The following THSD7A variants were observed in gnomAD, a reference collection of about 807,000 sequenced individuals.
THSD7A encodes the protein thrombospondin type 1 domain containing 7A, also known as thrombospondin type-1 domain-containing protein 7A.
Under a neutral mutation model 231.3 loss-of-function variants are expected in THSD7A, and 96 were observed. That is an observed-to-expected ratio of 0.41 (90% confidence interval 0.35 to 0.49). THSD7A has a LOEUF of 0.49. THSD7A is among the 20% of genes least tolerant of loss of function. The pLI is 0.05. For missense variants in THSD7A, 2,290 were observed against 2,070.2 expected, an observed-to-expected ratio of 1.11 and a Z score of -2.06; for synonymous variants, 940 against 743.3, an observed-to-expected ratio of 1.26 and a Z score of -4.30.
intron 6 of THSD7A, among the ~76,000 whole-genome samples, chr7:11,491,050 T>C (rs760067764): frequency 6.6e-6 from 1 of 152,106 alleles, no homozygotes; most frequent in Non-Finnish European, 1.5e-5. Context: ...CCAATTCACT[T>C]GATTTGATGT....
intron 8 of THSD7A, among the ~76,000 whole-genome samples, chr7:11,470,199 A>G (rs1041052025): frequency 1.1e-4 from 16 of 152,150 alleles, no homozygotes; most frequent in Admixed American, 7.9e-4. Flanking sequence ...AAAGCCTCTC[A>G]AGGAAAGATG....
At chr7:11,613,026 T>C (rs1468810219) in intron 2 of THSD7A, among the ~76,000 whole-genome samples, 21 of 152,194 alleles carry the variant, frequency 1.4e-4, no homozygotes, top group Admixed American at 1.4e-3. Context: ...GACATCTATA[T>C]AGATGTCATT....
At chr7:11,525,769 A>C (rs1788447420) in intron 6 of THSD7A, among the ~76,000 whole-genome samples, 1 of 152,158 alleles carries the variant, frequency 6.6e-6, no homozygotes, top group African/African-American at 2.4e-5. Flanking sequence ...TATTTGCTAG[A>C]TTATACTCAT....
chr7:11,539,202 A>G (rs539815314), intron 6 of THSD7A, among the ~76,000 whole-genome samples: 246 of 152,262 alleles, frequency 1.6e-3, no homozygotes, highest in African/African-American at 5.4e-3. Context: ...TGGGAGCAGT[A>G]GTTACAAGTC....
chr7:11,426,531 C>T, intron 15 of THSD7A, 135 bp downstream of exon 15: 1 of 972,162 alleles, frequency 1.0e-6, no homozygotes, highest in Non-Finnish European at 1.5e-6. Flanking sequence ...GAAAAAAATT[C>T]TTTAATGGAA....
At chr7:11,530,418 AAAGG>A in intron 6 of THSD7A, among the ~76,000 whole-genome samples, 1 of 152,266 alleles carries the variant, frequency 6.6e-6, no homozygotes, top group African/African-American at 2.4e-5. Context: ...GGGATAAAAG[AAAGG>A]AATTAGTTAT....
At chr7:11,525,927 A>G (rs1020865616) in intron 6 of THSD7A, among the ~76,000 whole-genome samples, 1 of 152,170 alleles carries the variant, frequency 6.6e-6, no homozygotes, top group African/African-American at 2.4e-5. Flanking sequence ...CTGGGTGAAA[A>G]CAGATTTCAC....
intron 19 of THSD7A, among the ~76,000 whole-genome samples, chr7:11,408,389 T>TC (rs1456564486): frequency 6.6e-6 from 1 of 151,870 alleles, no homozygotes; most frequent in Non-Finnish European, 1.5e-5. Flanking sequence ...TCCCAGCTAC[T>TC]TGGGAGGCTG....
intron 23 of THSD7A, among the ~76,000 whole-genome samples, chr7:11,394,544 C>T (rs1783107317): frequency 6.6e-6 from 1 of 152,122 alleles, no homozygotes; most frequent in African/African-American, 2.4e-5. Context: ...GGAGTAGGTA[C>T]AAGGGAGTGT....
chr7:11,450,743 T>C (rs1055789613), intron 11 of THSD7A, among the ~76,000 whole-genome samples: 68 of 152,024 alleles, frequency 4.5e-4, no homozygotes, highest in South Asian at 6.2e-4. Context: ...ACCCAGAAAA[T>C]TTGTATCTGT....
intron 23 of THSD7A, among the ~76,000 whole-genome samples, chr7:11,391,990 A>G (rs1783001214): frequency 6.6e-6 from 1 of 151,964 alleles, no homozygotes; most frequent in South Asian, 2.1e-4. Flanking sequence ...GAAATCACCC[A>G]TCTTCTGCAT....
At position 11,777,163 on chromosome 7, in the gene THSD7A, C is replaced by A. The variant is rs527609857; in HGVS notation, c.190+54594G>T. Among the ~76,000 whole-genome samples the A allele has an allele frequency of 1.1e-4, 16 of 152,094 alleles. 1 individual carries two copies. The South Asian group carries it at 3.3e-3, about 32-fold the overall frequency. ...TTGCTCAGCTCAATTTCTAAAAAGC[C>A]CATTTCCTTTACAGGATGTGAACTC... is the stretch of plus-strand genomic sequence containing the variant. On this transcript the variant is annotated intron_variant, in intron 1 of 27. Coordinates refer to ENST00000423059, the MANE Select transcript of THSD7A (RefSeq NM_015204.3).
At chr7:11,585,130 T>C (rs1791343935) in intron 4 of THSD7A, among the ~76,000 whole-genome samples, 1 of 152,224 alleles carries the variant, frequency 6.6e-6, no homozygotes, top group Non-Finnish European at 1.5e-5. Flanking sequence ...GAATACTTCC[T>C]GAAGTCTCAT....
chr7:11,432,390 G>A (rs954676133), intron 13 of THSD7A, among the ~76,000 whole-genome samples: 10 of 152,040 alleles, frequency 6.6e-5, no homozygotes, highest in African/African-American at 2.4e-4. Flanking sequence ...ATGCAAAAGT[G>A]CATTTTCCAT....
chr7:11,656,021 G>A (rs2128370876), intron 1 of THSD7A, among the ~76,000 whole-genome samples: 1 of 151,976 alleles, frequency 6.6e-6, no homozygotes, highest in South Asian at 2.1e-4. Context: ...TTCTTAATCA[G>A]CAGCCTTCAC....
chr7:11,442,518 T>C (rs1404554665), intron 13 of THSD7A, among the ~76,000 whole-genome samples: 1 of 151,992 alleles, frequency 6.6e-6, no homozygotes, highest in Non-Finnish European at 1.5e-5. Flanking sequence ...GATACTTTTT[T>C]CTCCAGAGCC....
chr7:11,601,873 A>G (rs1780565327), intron 2 of THSD7A, among the ~76,000 whole-genome samples: 1 of 152,210 alleles, frequency 6.6e-6, no homozygotes, highest in Non-Finnish European at 1.5e-5. Flanking sequence ...GCAGCCTTCA[A>G]GAGGTTAGAA....
At chr7:11,568,237 C>G (rs1314814626) in intron 4 of THSD7A, among the ~76,000 whole-genome samples, 1 of 152,140 alleles carries the variant, frequency 6.6e-6, no homozygotes, top group Non-Finnish European at 1.5e-5. Flanking sequence ...TGGACAGAAA[C>G]AATGAGAGAA....
chr7:11,539,135 T>A (rs1252596553), intron 6 of THSD7A, among the ~76,000 whole-genome samples: 2 of 152,102 alleles, frequency 1.3e-5, no homozygotes, highest in Non-Finnish European at 2.9e-5. Flanking sequence ...CCAATTTAAT[T>A]ACAAAACAAC....
Sources: allele counts gnomAD v4.1 joint callset (sites outside exome capture counted in the v4.1 genomes callset), GRCh38; gene constraint gnomAD v4.1.1; transcripts MANE v1.5; gene names NCBI Gene and HGNC (gene_info 2026-07-23, HGNC 2026-07-21).